CSMD3: variants seen among roughly 807,000 people sequenced by gnomAD.
CSMD3 encodes the protein CUB and sushi domain-containing protein 3.
Under a neutral mutation model 435.2 loss-of-function variants are expected in CSMD3, and 177 were observed. That is an observed-to-expected ratio of 0.41 (90% confidence interval 0.36 to 0.46). The LOEUF is 0.46. Among genes scored for constraint, CSMD3 ranks in the 20% least tolerant of loss-of-function variants. The pLI, the probability that CSMD3 is intolerant of heterozygous loss-of-function variation, is 0.34. For missense variants in CSMD3, 4,265 were observed against 4,504.6 expected (o/e 0.95, Z 1.52); for synonymous variants, 1,656 against 1,520.5 (o/e 1.09, Z -2.07).
intron 10 of CSMD3, among the ~76,000 whole-genome samples, chr8:112,876,959 C>A (rs943392233): frequency 6.6e-6 from 1 of 151,924 alleles, no homozygotes; most frequent in Non-Finnish European, 1.5e-5. Context: ...TCCTATATAC[C>A]AACAATAGAC....
chr8:113,029,465 T>A (rs1200524144), intron 5 of CSMD3, among the ~76,000 whole-genome samples: 1 of 151,550 alleles, frequency 6.6e-6, no homozygotes, highest in East Asian at 1.9e-4. Context: ...GCAGGGATGG[T>A]TTAACATATG....
intron 32 of CSMD3, among the ~76,000 whole-genome samples, chr8:112,416,474 T>C (rs1811924764): frequency 6.6e-6 from 1 of 152,230 alleles, no homozygotes; most frequent in Non-Finnish European, 1.5e-5. Flanking sequence ...ACCAATACAC[T>C]ATTCTTCTAT....
intron 61 of CSMD3, among the ~76,000 whole-genome samples, chr8:112,256,662 TA>T (rs1224786152): frequency 6.6e-6 from 1 of 152,192 alleles, no homozygotes; most frequent in African/African-American, 2.4e-5. Context: ...TCAATGTTTT[TA>T]TTGTGGCAAA....
At chr8:113,093,683 T>C (rs1052793365) in intron 5 of CSMD3, among the ~76,000 whole-genome samples, 2 of 152,114 alleles carry the variant, frequency 1.3e-5, no homozygotes, top group African/African-American at 2.4e-5. Flanking sequence ...GAACTACCTT[T>C]AGATGGGAGT....
intron 1 of CSMD3, among the ~76,000 whole-genome samples, chr8:113,420,152 T>A (rs1277385925): frequency 2.6e-5 from 4 of 152,114 alleles, no homozygotes; most frequent in Admixed American, 1.3e-4. Context: ...AAACATTTTT[T>A]AAAAACATTT....
At chr8:112,785,053 G>A (rs1164156233) in intron 13 of CSMD3, among the ~76,000 whole-genome samples, 2 of 151,912 alleles carry the variant, frequency 1.3e-5, no homozygotes, top group Non-Finnish European at 2.9e-5. Context: ...GCATTAAAGA[G>A]ATCATTCATT....
rs1380432064 is a variant in CSMD3 at position 113,257,265 on chromosome 8, G to T, written c.514+21327C>A. Reference sequence around the variant, plus strand: ...CTACTAAAAAAATTCAAAAAAATTAGCCAGGCATGGTGGCAGGTGCCTGTA... The same window carrying T: ...CTACTAAAAAAATTCAAAAAAATTATCCAGGCATGGTGGCAGGTGCCTGTA... On this transcript the variant is annotated intron_variant, in intron 3 of 70. Coordinates refer to ENST00000297405, the MANE Select transcript of CSMD3 (RefSeq NM_198123.2). 2.0e-5 allele frequency among the ~76,000 whole-genome samples: 3 copies of T among 152,086 alleles called. No homozygotes were observed. The East Asian group carries it at 5.8e-4, about 29-fold the overall frequency.
intron 13 of CSMD3, among the ~76,000 whole-genome samples, chr8:112,760,713 T>C (rs192469519): frequency 1.3e-5 from 2 of 152,252 alleles, no homozygotes. Flanking sequence ...TAAAGGTGTT[T>C]TTACATTTTG....
chr8:112,451,629 C>T (rs1463524187), intron 32 of CSMD3, among the ~76,000 whole-genome samples: 1 of 151,946 alleles, frequency 6.6e-6, no homozygotes, highest in East Asian at 1.9e-4. Flanking sequence ...ACCTCCGCCT[C>T]CCGGGTTCAA....
intron 64 of CSMD3, among the ~76,000 whole-genome samples, chr8:112,246,756 A>G (rs1031432232): frequency 3.4e-4 from 52 of 152,192 alleles, no homozygotes; most frequent in African/African-American, 1.3e-3. Flanking sequence ...ATCATTACCT[A>G]AAATTACCAG....
chr8:113,383,791 T>C (rs931628175), intron 1 of CSMD3, among the ~76,000 whole-genome samples: 18 of 152,186 alleles, frequency 1.2e-4, no homozygotes, highest in African/African-American at 4.3e-4. Context: ...CTCCTGTGTT[T>C]TATTATCAGT....
intron 27 of CSMD3, among the ~76,000 whole-genome samples, chr8:112,543,581 T>C (rs1002792143): frequency 6.6e-6 from 1 of 151,670 alleles, no homozygotes; most frequent in Non-Finnish European, 1.5e-5. Flanking sequence ...TAAAAAAAGG[T>C]GTTGGCAAGA....
chr8:112,844,287 T>C (rs1187486297), intron 11 of CSMD3, among the ~76,000 whole-genome samples: 1 of 151,950 alleles, frequency 6.6e-6, no homozygotes, highest in African/African-American at 2.4e-5. Context: ...GAATATTCTT[T>C]GTTCACTCAT....
At chr8:112,259,584 T>A (rs1416895132) in intron 61 of CSMD3, among the ~76,000 whole-genome samples, 1 of 152,050 alleles carries the variant, frequency 6.6e-6, no homozygotes, top group East Asian at 1.9e-4. Flanking sequence ...GAACTTAAAG[T>A]ATAATAATAA....
rs1011314459 is a variant in CSMD3, at chr8:113,180,464, T to G, written c.515-6548A>C. Among the ~76,000 whole-genome samples, 12 of 152,016 alleles carry G rather than the reference T, an allele frequency of 7.9e-5. 1 individual carries two copies. Among genetic ancestry groups the G allele is most frequent in the African/African-American group, 2.7e-4 (11 of 41,440 alleles). On this transcript the variant is annotated intron_variant, in intron 3 of 70. Transcript: ENST00000297405. ...GGTCTTTTCTTTCAGTACATAAAAC[T>G]GAATGAAATTTATTTCTATATACAT...
chr8:112,806,415 CA>C (rs1422343896), intron 12 of CSMD3, among the ~76,000 whole-genome samples: 1 of 152,116 alleles, frequency 6.6e-6, no homozygotes, highest in Non-Finnish European at 1.5e-5. Flanking sequence ...GTGGAAGTAG[CA>C]TATAAACTTT....
intron 32 of CSMD3, among the ~76,000 whole-genome samples, chr8:112,466,170 T>G (rs879853063): frequency 2.0e-5 from 3 of 152,192 alleles, no homozygotes; most frequent in Non-Finnish European, 2.9e-5. Flanking sequence ...TGTCATATAC[T>G]TTAAGTAAAA....
At chr8:113,249,424 G>A (rs1279705051) in intron 3 of CSMD3, among the ~76,000 whole-genome samples, 1 of 151,954 alleles carries the variant, frequency 6.6e-6, no homozygotes, top group African/African-American at 2.4e-5. Context: ...TGTGAAAGAT[G>A]GTCCCAGAAA....
chr8:112,859,023 A>T (rs1272468506), intron 11 of CSMD3, 122 bp downstream of exon 11: 6 of 837,646 alleles, frequency 7.2e-6, no homozygotes, highest in Admixed American at 2.1e-5. Context: ...TTAAGTAGGG[A>T]ATATTGCGCC....
Sources: allele counts gnomAD v4.1 joint callset (sites outside exome capture counted in the v4.1 genomes callset), GRCh38; gene constraint gnomAD v4.1.1; transcripts MANE v1.5; gene names NCBI Gene and HGNC (gene_info 2026-07-23, HGNC 2026-07-21).